The following RBFOX1 variants were observed in gnomAD, a reference collection of about 807,000 sequenced individuals.
The protein encoded by RBFOX1 is RNA binding fox-1 homolog 1, also known as RNA binding protein fox-1 homolog 1.
RBFOX1 carries 8 observed loss-of-function variants against 57.7 expected under a neutral mutation model. That is an observed-to-expected ratio of 0.14 (90% confidence interval 0.08 to 0.25). RBFOX1 has a LOEUF of 0.25. Ranked by LOEUF, RBFOX1 falls within the 10% of genes least tolerant of loss-of-function variation. The pLI is 1.00. For synonymous variants in RBFOX1, 326 were observed against 222.4 expected, an observed-to-expected ratio of 1.47 and a Z score of -4.15; for missense variants, 611 against 548.5, an observed-to-expected ratio of 1.11 and a Z score of -1.14.
At chr16:7,605,361 C>G (rs1290113911) in intron 9 of RBFOX1, among the ~76,000 whole-genome samples, 1 of 152,138 alleles carries the variant, frequency 6.6e-6, no homozygotes, top group African/African-American at 2.4e-5. Context: ...CAGTAGGTCT[C>G]AGAATTTCAT....
chr16:5,787,219 G>A (rs1477354096), intron 3 of RBFOX1, among the ~76,000 whole-genome samples: 1 of 152,178 alleles, frequency 6.6e-6, no homozygotes, highest in Non-Finnish European at 1.5e-5. Flanking sequence ...CCCTTTCACT[G>A]GGAGAAAAGG....
At chr16:6,879,845 G>C (rs1232897763) in intron 3 of RBFOX1, among the ~76,000 whole-genome samples, 2 of 152,146 alleles carry the variant, frequency 1.3e-5, no homozygotes, top group African/African-American at 4.8e-5. Context: ...AAAGAGGTTT[G>C]AGACATTTTG....
At chr16:6,584,697 T>C (rs999904707) in intron 2 of RBFOX1, among the ~76,000 whole-genome samples, 2 of 152,016 alleles carry the variant, frequency 1.3e-5, no homozygotes, top group African/African-American at 4.8e-5. Flanking sequence ...ACAGCACCCC[T>C]GAATGACCTC....
intron 3 of RBFOX1, among the ~76,000 whole-genome samples, chr16:5,608,524 A>C (rs1308883313): frequency 6.6e-6 from 1 of 152,248 alleles, no homozygotes; most frequent in Admixed American, 6.5e-5. Context: ...TGTGCCTGTA[A>C]CTTTTCTCAT....
At chr16:6,963,915 GT>G (rs1292851429) in intron 3 of RBFOX1, among the ~76,000 whole-genome samples, 1 of 152,100 alleles carries the variant, frequency 6.6e-6, no homozygotes, top group Non-Finnish European at 1.5e-5. Flanking sequence ...AGCCAAGACG[GT>G]GTCGATCTCC....
chr16:7,031,252 T>C (rs2042713567), intron 3 of RBFOX1, among the ~76,000 whole-genome samples: 1 of 152,196 alleles, frequency 6.6e-6, no homozygotes, highest in Non-Finnish European at 1.5e-5. Context: ...TTACTCATGA[T>C]GTCAACTTTG....
At chr16:6,641,213 G>C (rs566530905) in intron 2 of RBFOX1, among the ~76,000 whole-genome samples, 2 of 152,198 alleles carry the variant, frequency 1.3e-5, no homozygotes, top group South Asian at 2.1e-4. Flanking sequence ...ACGCTTCACC[G>C]AGGTTCAAAT....
At chr16:7,658,602 G>A (rs139270430) in intron 12 of RBFOX1, among the ~76,000 whole-genome samples, 102 of 152,246 alleles carry the variant, frequency 6.7e-4, no homozygotes, top group Non-Finnish European at 1.1e-3. Flanking sequence ...TGTAGACTTA[G>A]TATCTTTGAT....
At chr16:5,738,414 T>G (rs1445485395) in intron 3 of RBFOX1, among the ~76,000 whole-genome samples, 1 of 151,722 alleles carries the variant, frequency 6.6e-6, no homozygotes, top group Non-Finnish European at 1.5e-5. Context: ...AGCAGATCAC[T>G]TGAGGTCAGG....
chr16:6,814,541 T>G (rs867499035), intron 3 of RBFOX1, among the ~76,000 whole-genome samples: 1 of 152,102 alleles, frequency 6.6e-6, no homozygotes. Flanking sequence ...ATCCTTAGTA[T>G]GTGCTGTGAA....
intron 2 of RBFOX1, among the ~76,000 whole-genome samples, chr16:6,509,977 C>A (rs773537251): frequency 6.6e-6 from 1 of 152,104 alleles, no homozygotes; most frequent in Non-Finnish European, 1.5e-5. Flanking sequence ...TGAAGTTGGC[C>A]AACCTTAGAC....
Position 6,934,993 on chromosome 16 carries a change from T to C in RBFOX1, c.-15-117064T>C, listed in dbSNP as rs781168700. ...GTTCCAGCAAGTCGGGAGGCTGAGATAGGAGGACTGCTTGAGCCCAGGAGG... is the reference window on the plus strand; with the variant it reads ...GTTCCAGCAAGTCGGGAGGCTGAGACAGGAGGACTGCTTGAGCCCAGGAGG... On this transcript the variant is annotated intron_variant, in intron 3 of 15. Coordinates refer to ENST00000550418, the MANE Select transcript of RBFOX1 (RefSeq NM_018723.4). 4.2e-4 allele frequency among the ~76,000 whole-genome samples: 63 copies of C among 151,640 alleles called. 1 individual carries two copies. The highest frequency in any genetic ancestry group is 7.4e-4 in the Non-Finnish European group (50 of 67,936).
chr16:7,696,962 G>T (rs1421190478), intron 14 of RBFOX1, among the ~76,000 whole-genome samples: 2 of 152,146 alleles, frequency 1.3e-5, no homozygotes, highest in African/African-American at 4.8e-5. Context: ...ATGAGTACAG[G>T]TGAGTTTAAT....
At chr16:7,046,486 G>C (rs2047988085) in intron 3 of RBFOX1, among the ~76,000 whole-genome samples, 1 of 151,520 alleles carries the variant, frequency 6.6e-6, no homozygotes. Flanking sequence ...AAAATATCAA[G>C]TTCAATACGT....
intron 5 of RBFOX1, among the ~76,000 whole-genome samples, chr16:7,553,905 C>G (rs947440588): frequency 9.2e-5 from 14 of 152,146 alleles, no homozygotes; most frequent in Non-Finnish European, 1.5e-5. Flanking sequence ...CTAAGTTCTG[C>G]TTAAAAGCCA....
chr16:7,095,922 A>T (rs2061611584), intron 4 of RBFOX1, among the ~76,000 whole-genome samples: 1 of 151,072 alleles, frequency 6.6e-6, no homozygotes, highest in South Asian at 2.1e-4. Flanking sequence ...CTGAGGCAGG[A>T]GAATGGCATG....
intron 4 of RBFOX1, among the ~76,000 whole-genome samples, chr16:5,956,034 G>A (rs2059631678): frequency 6.6e-6 from 1 of 152,158 alleles, no homozygotes; most frequent in Non-Finnish European, 1.5e-5. Context: ...GCCTGAGGCA[G>A]GAGGATCACT....
intron 4 of RBFOX1, among the ~76,000 whole-genome samples, chr16:7,242,377 C>G (rs962483612): frequency 6.6e-6 from 1 of 152,158 alleles, no homozygotes; most frequent in African/African-American, 2.4e-5. Context: ...TGCCACATGA[C>G]AGCTGTGTGA....
intron 2 of RBFOX1, among the ~76,000 whole-genome samples, chr16:6,599,168 A>T (rs2097815964): frequency 6.6e-6 from 1 of 152,182 alleles, no homozygotes; most frequent in Non-Finnish European, 1.5e-5. Context: ...TTTCTCTTCT[A>T]ACCCACATGT....
Sources: allele counts gnomAD v4.1 joint callset (sites outside exome capture counted in the v4.1 genomes callset), GRCh38; gene constraint gnomAD v4.1.1; transcripts MANE v1.5; gene names NCBI Gene and HGNC (gene_info 2026-07-23, HGNC 2026-07-21).